RADIL: variants seen among roughly 807,000 people sequenced by gnomAD.
RADIL encodes the protein ras-associating and dilute domain-containing protein.
Under a neutral mutation model 97.6 loss-of-function variants are expected in RADIL, and 99 were observed. The ratio of observed to expected loss-of-function variants is 1.01; its 90% CI spans 0.86 to 1.20. The LOEUF (loss-of-function observed/expected upper bound fraction) is 1.20. RADIL is among the 50% of genes most tolerant of loss of function. The probability of loss-of-function intolerance (pLI) is 0.00; values close to 1 mark genes in which losing one functional copy is unlikely to be tolerated. For synonymous variants in RADIL, 803 were observed against 691.8 expected, an observed-to-expected ratio of 1.16 and a Z score of -2.52; for missense variants, 1,765 against 1,498.9, an observed-to-expected ratio of 1.18 and a Z score of -2.93.
At chr7:4,823,666 C>A (rs1449279702) in intron 5 of RADIL, among the ~76,000 whole-genome samples, 1 of 152,198 alleles carries the variant, frequency 6.6e-6, no homozygotes, top group East Asian at 1.9e-4. Flanking sequence ...TCAGCGGCAG[C>A]CTCCACCGTC....
Position 4,880,088 on chromosome 7 carries a change from C to T in RADIL, c.-64-1885G>A, listed in dbSNP as rs149664748. Among the ~76,000 whole-genome samples the T allele has an allele frequency of 2.1e-3, 313 of 152,322 alleles. No homozygotes were observed. Among genetic ancestry groups the T allele is most frequent in the Middle Eastern group, 0.014 (4 of 294 alleles). Reference sequence around the variant, plus strand: ...ATAGCCCACTGCGGACACTTCACCACGGCAAAGGCTTTCGCTGTGCCTGGC... The same window carrying T: ...ATAGCCCACTGCGGACACTTCACCATGGCAAAGGCTTTCGCTGTGCCTGGC... On this transcript the variant is annotated intron_variant, in intron 1 of 14. Coordinates refer to ENST00000399583, the MANE Select transcript of RADIL (RefSeq NM_018059.5). The surrounding 1 kb of genome is among the most constrained non-coding windows in gnomAD (Gnocchi z 4.5).
At chr7:4,809,507 G>C (rs918518532) in intron 9 of RADIL, 1 of 985,198 alleles carries the variant, frequency 1.0e-6, no homozygotes, top group Admixed American at 6.1e-5. Flanking sequence ...CCCAAAACAA[G>C]AACAAGAACG....
chr7:4,826,594 G>A lies in RADIL; in HGVS notation c.1455-4040C>T, dbSNP rs546409508. ...CTAAAAATACAAAAATTAGCCGGGC[G>A]TGGTGGCGCGTGCCTGTAATCCTAG... On this transcript the variant is annotated intron_variant, in intron 5 of 14. Coordinates refer to ENST00000399583, the MANE Select transcript of RADIL (RefSeq NM_018059.5). 4.6e-5 allele frequency among the ~76,000 whole-genome samples: 7 copies of A among 151,816 alleles called. No individual in the cohort carries two copies. In the South Asian group the frequency reaches 1.0e-3, roughly 23 times the overall value.
At chr7:4,857,800 G>C (rs1052469443) in intron 2 of RADIL, 4 of 152,470 alleles carry the variant, frequency 2.6e-5, no homozygotes, top group Non-Finnish European at 5.9e-5. Context: ...TTTCAAAACA[G>C]TGCTTGAATA....
At chr7:4,811,162 T>C (rs997065646) in intron 9 of RADIL, 3 of 151,202 alleles carry the variant, frequency 2.0e-5, no homozygotes, top group Non-Finnish European at 4.4e-5. Context: ...AAAAAAACTG[T>C]TGAGGTTTGT....
rs1782602822 is a variant in RADIL, at chr7:4,813,604, T to A, written c.2139+1674A>T. ...CTGGACAAAGCCTAGATTCTCAGCC[T>A]CACACCGTCACCTGCTCCCAGGACA... On this transcript the variant is annotated intron_variant, in intron 9 of 14. Transcript: ENST00000399583. This position sits in a 1 kb window ranked among gnomAD's most constrained non-coding sequence, Gnocchi z 5.0. Among the ~76,000 whole-genome samples the A allele has an allele frequency of 6.6e-6, 1 of 152,202 alleles. No homozygotes were observed. Among genetic ancestry groups the A allele is most frequent in the Admixed American group, 6.5e-5 (1 of 15,278 alleles).
At chr7:4,864,095 T>C (rs761094860) in intron 2 of RADIL, among the ~76,000 whole-genome samples, 14 of 152,346 alleles carry the variant, frequency 9.2e-5, no homozygotes, top group Non-Finnish European at 1.6e-4. Context: ...GCCAGAAATA[T>C]AAATACCTTC....
intron 5 of RADIL, among the ~76,000 whole-genome samples, chr7:4,828,256 G>A (rs909764101): frequency 2.1e-4 from 32 of 152,330 alleles, no homozygotes; most frequent in Admixed American, 8.5e-4. Flanking sequence ...GCAGGAGTTC[G>A]AGACCAGCCT....
At chr7:4,832,022 C>G in intron 5 of RADIL, 119 bp downstream of exon 5, 1 of 1,055,864 alleles carries the variant, frequency 9.5e-7, no homozygotes, top group African/African-American at 1.6e-5. Flanking sequence ...GATGGAAGGA[C>G]AAAGCCCAGA....
In RADIL at chr7:4,873,119, G is replaced by T. The variant is rs1784292719; in HGVS notation, c.535+4486C>A. 6.6e-6 allele frequency among the ~76,000 whole-genome samples: 1 copy of T among 152,168 alleles called. No individual in the cohort carries two copies. The highest frequency in any genetic ancestry group is 1.5e-5 in the Non-Finnish European group (1 of 68,024). On this transcript the variant is annotated intron_variant, in intron 2 of 14. Coordinates refer to ENST00000399583, the MANE Select transcript of RADIL (RefSeq NM_018059.5). The surrounding 1 kb of genome is among the most constrained non-coding windows in gnomAD (Gnocchi z 4.3). The stretch of plus-strand genomic sequence containing the variant: ...CTACTTCTTTTATATTTTCAGTAGA[G>T]ACGGGGTTTCACCATGTTGGTCAGA...
intron 2 of RADIL, among the ~76,000 whole-genome samples, chr7:4,845,139 G>C (rs1241143569): frequency 1.3e-5 from 2 of 152,180 alleles, no homozygotes; most frequent in South Asian, 4.1e-4. Context: ...GCTAATGTAG[G>C]CTGGGCATGG....
chr7:4,822,630 A>G lies in RADIL; in HGVS notation c.1455-76T>C. The stretch of plus-strand genomic sequence containing the variant: ...GCTGAATCTACCACTCTTTCTACAT[A>G]AGGATGCGCGTTTTCATGGGACGCT... On this transcript the variant is annotated intron_variant, in intron 5 of 14. Transcript: ENST00000399583. This position sits in a 1 kb window ranked among gnomAD's most constrained non-coding sequence, Gnocchi z 5.3. 4.7e-6 allele frequency: 7 copies of G among 1,498,240 alleles called. No homozygotes were observed. The South Asian group carries it at 9.0e-5, about 19-fold the overall frequency. The allele number at this position is 1,498,240 out of a possible 1,614,324, so 92.8% of individuals were successfully genotyped here.
chr7:4,809,018 C>G (rs923934207), intron 9 of RADIL: 2 of 705,246 alleles, frequency 2.8e-6, no homozygotes, highest in African/African-American at 6.7e-5. Flanking sequence ...ACGCCACTGC[C>G]CCCCCTTGTC....
chr7:4,815,421 T>C lies in RADIL; in HGVS notation c.1996A>G (p.Arg666Gly), dbSNP rs1221005480. 3.9e-6 allele frequency: 6 copies of C among 1,545,596 alleles called. No individual in the cohort carries two copies. The African/African-American group carries it at 8.1e-5, about 21-fold the overall frequency. The change falls in exon 9 of 15, where the codon AGA becomes GGA. Residue 666 changes from arginine to glycine, a missense_variant. Coordinates refer to ENST00000399583, the MANE Select transcript of RADIL (RefSeq NM_018059.5). This position sits in a 1 kb window ranked among gnomAD's most constrained non-coding sequence, Gnocchi z 8.0. ...GPSLSCFHWPRGVQACARLQQ... is the reference protein window; with the variant it reads ...GPSLSCFHWPGGVQACARLQQ... ...AGGCGGGCGCAGGCCTGGACACCTC[T>C]GGGCCAGTGGAAGCAGCTCAGGGAG...
chr7:4,847,757 A>AC (rs1783609486), intron 2 of RADIL, among the ~76,000 whole-genome samples: 1 of 150,360 alleles, frequency 6.7e-6, no homozygotes, highest in African/African-American at 2.5e-5. Context: ...AAAAAAAAAA[A>AC]AAAAAAAAAC....
intron 12 of RADIL, 131 bp downstream of exon 12, chr7:4,801,522 A>G (rs1782083613): frequency 1.0e-6 from 1 of 976,900 alleles, no homozygotes; most frequent in East Asian, 2.6e-5. Flanking sequence ...GCCCCGTCTC[A>G]GGTTGCAGGT....
rs916448280 is a variant in RADIL, at chr7:4,813,861, C to G, written c.2139+1417G>C. On this transcript the variant is annotated intron_variant, in intron 9 of 14. Coordinates refer to ENST00000399583, the MANE Select transcript of RADIL (RefSeq NM_018059.5). This position sits in a 1 kb window ranked among gnomAD's most constrained non-coding sequence, Gnocchi z 5.0. ...TTCTGTTTTAGCCCCATCTTGACAT[C>G]GGTGTCCAGAGGTACCTGGTGCCAC... Among the ~76,000 whole-genome samples the G allele has an allele frequency of 1.3e-5, 2 of 152,198 alleles. No individual in the cohort carries two copies. Among genetic ancestry groups the G allele is most frequent in the African/African-American group, 4.8e-5 (2 of 41,444 alleles).
intron 2 of RADIL, among the ~76,000 whole-genome samples, chr7:4,838,396 C>T (rs1414660341): frequency 6.6e-6 from 1 of 152,166 alleles, no homozygotes; most frequent in Non-Finnish European, 1.5e-5. Flanking sequence ...GCTGGAAGTC[C>T]CAGGGCCATG....
Position 4,873,931 on chromosome 7 carries a change from C to T in RADIL, c.535+3674G>A, listed in dbSNP as rs139619126. Among the ~76,000 whole-genome samples, 8 of 152,358 alleles carry T rather than the reference C, an allele frequency of 5.3e-5. No homozygotes were observed. In the East Asian group the frequency reaches 1.2e-3, roughly 22 times the overall value. ...GAAGCTGCTACAGTGAAAAACCCCT[C>T]GGCTTCCCACCTCCTCCCCTTCTCT... On this transcript the variant is annotated intron_variant, in intron 2 of 14. Transcript: ENST00000399583. This position sits in a 1 kb window ranked among gnomAD's most constrained non-coding sequence, Gnocchi z 4.3.
Sources: gnomAD v4.1 joint callset for allele counts (sites outside exome capture counted in the v4.1 genomes callset) on GRCh38, gnomAD v4.1.1 for gene constraint, Gnocchi (gnomAD v3.1) non-coding constraint, MANE v1.5 for transcripts, NCBI Gene and HGNC (gene_info 2026-07-23, HGNC 2026-07-21) for gene names.